CACNA1C: variants seen among roughly 807,000 people sequenced by gnomAD.
The protein encoded by CACNA1C is voltage-dependent L-type calcium channel subunit alpha-1C.
Under a neutral mutation model 229.0 loss-of-function variants are expected in CACNA1C, and 30 were observed. The ratio of observed to expected loss-of-function variants is 0.13; its 90% CI spans 0.10 to 0.18. CACNA1C has a LOEUF of 0.18. Ranked by LOEUF, CACNA1C falls within the 10% of genes least tolerant of loss-of-function variation. CACNA1C has a pLI of 1.00. For synonymous variants in CACNA1C, 1,114 were observed against 1,132.5 expected (o/e 0.98, Z 0.33); for missense variants, 1,658 against 2,845.0 (o/e 0.58, Z 9.49).
At chr12:2,151,766 A>G (rs894778944) in intron 3 of CACNA1C, among the ~76,000 whole-genome samples, 2 of 152,222 alleles carry the variant, frequency 1.3e-5, no homozygotes, top group Non-Finnish European at 2.9e-5. Context: ...GGAGACACAC[A>G]CGAAGCTTGT....
chr12:1,983,302 T>G (rs144523998), intron 1 of CACNA1C, among the ~76,000 whole-genome samples: 5 of 152,124 alleles, frequency 3.3e-5, no homozygotes, highest in African/African-American at 1.2e-4. Context: ...TAATATACTC[T>G]TCTCCTATTT....
At chr12:2,634,524 G>GT (rs1046731673) in intron 30 of CACNA1C, 144 bp downstream of exon 30, 466 of 386,920 alleles carry the variant, frequency 1.2e-3, no homozygotes, top group Middle Eastern at 3.4e-3. Context: ...TGGTTTGAAG[G>GT]TTTTTTTTTC....
chr12:2,667,866 T>C (rs2096297798), intron 37 of CACNA1C, among the ~76,000 whole-genome samples: 5 of 152,154 alleles, frequency 3.3e-5, no homozygotes, highest in Admixed American at 3.3e-4. Flanking sequence ...TAGCCCCCCT[T>C]GAGCATGCCC....
At chr12:2,509,879 G>A (rs2099779822) in intron 8 of CACNA1C, among the ~76,000 whole-genome samples, 1 of 152,208 alleles carries the variant, frequency 6.6e-6, no homozygotes, top group African/African-American at 2.4e-5. Context: ...ATGACTGAAA[G>A]TGCCACGAGT....
intron 3 of CACNA1C, among the ~76,000 whole-genome samples, chr12:2,414,631 C>T (rs998781664): frequency 6.6e-6 from 1 of 152,126 alleles, no homozygotes; most frequent in African/African-American, 2.4e-5. Flanking sequence ...TTCTGTGTTC[C>T]GGGTGTCAGC....
At chr12:2,397,711 C>T (rs992785773) in intron 3 of CACNA1C, among the ~76,000 whole-genome samples, 3 of 152,240 alleles carry the variant, frequency 2.0e-5, no homozygotes, top group Admixed American at 6.5e-5. Context: ...GGAAACACCC[C>T]ATCACCTGTG....
intron 10 of CACNA1C, chr12:2,550,740 T>C: frequency 1.7e-6 from 2 of 1,153,758 alleles, no homozygotes; most frequent in Non-Finnish European, 2.3e-6. Flanking sequence ...GTCTGTGGAA[T>C]GATGGAGAGC....
chr12:2,276,807 T>C (rs1448546222), intron 3 of CACNA1C, among the ~76,000 whole-genome samples: 1 of 152,178 alleles, frequency 6.6e-6, no homozygotes, highest in African/African-American at 2.4e-5. Flanking sequence ...CTGGAGTGCA[T>C]TGGGATGACG....
intron 9 of CACNA1C, among the ~76,000 whole-genome samples, chr12:2,531,674 A>G (rs1001982277): frequency 3.9e-5 from 6 of 152,188 alleles, no homozygotes; most frequent in Non-Finnish European, 8.8e-5. Context: ...GACTCTGGAC[A>G]GCTTCTCTGC....
Position 2,595,605 on chromosome 12 carries a change from A to G in CACNA1C, c.2664-269A>G, listed in dbSNP as rs2067763819. 6.6e-6 allele frequency among the ~76,000 whole-genome samples: 1 copy of G among 152,192 alleles called. No homozygotes were observed. Among genetic ancestry groups the G allele is most frequent in the African/African-American group, 2.4e-5 (1 of 41,446 alleles). ...GTCCCCAAACAAAAGCCAGTTATGA[A>G]TGTCAGAGCAGGATTTGGGAATTCA... On this transcript the variant is annotated intron_variant, in intron 19 of 46. Coordinates refer to ENST00000399655, the MANE Select transcript of CACNA1C (RefSeq NM_000719.7). This position sits in a 1 kb window ranked among gnomAD's most constrained non-coding sequence, Gnocchi z 4.1.
At chr12:2,266,773 G>A (rs2082548155) in intron 3 of CACNA1C, among the ~76,000 whole-genome samples, 1 of 152,230 alleles carries the variant, frequency 6.6e-6, no homozygotes, top group Admixed American at 6.5e-5. Context: ...GAAACACAGA[G>A]GCCATGGGAC....
rs2096097136 is a variant in CACNA1C at position 2,666,321 on chromosome 12, G to A, written c.4527-365G>A. On this transcript the variant is annotated intron_variant, in intron 36 of 46. Coordinates refer to ENST00000399655, the MANE Select transcript of CACNA1C (RefSeq NM_000719.7). The surrounding 1 kb of genome is among the most constrained non-coding windows in gnomAD (Gnocchi z 5.3). ...CGGGGAAAATCTTGATTCCATTCCC[G>A]CTTCTGGTCTAAAGATCAATCACAT... Among the ~76,000 whole-genome samples the A allele has an allele frequency of 2.6e-5, 4 of 152,164 alleles. No individual in the cohort carries two copies. Among genetic ancestry groups the A allele is most frequent in the Admixed American group, 6.5e-5 (1 of 15,274 alleles).
At chr12:2,577,870 CT>C (rs34284324) in intron 13 of CACNA1C, among the ~76,000 whole-genome samples, 78,330 of 137,950 alleles carry the variant, frequency 0.57, 22,386 homozygotes, top group East Asian at 0.71. Context: ...AGTAATTATT[CT>C]TTTTTTTTTT....
At chr12:2,094,269 G>T (rs2154083473) in intron 1 of CACNA1C, among the ~76,000 whole-genome samples, 1 of 152,304 alleles carries the variant, frequency 6.6e-6, no homozygotes, top group South Asian at 2.1e-4. Flanking sequence ...CATTTCAGAA[G>T]CTGAGCCCTA....
rs548881956 is a variant in CACNA1C, at chr12:2,565,416, G to A, written c.1509-1006G>A. Among the ~76,000 whole-genome samples the A allele has an allele frequency of 2.0e-4, 30 of 149,354 alleles. 1 individual carries two copies. Among genetic ancestry groups the A allele is most frequent in the South Asian group, 4.3e-4 (2 of 4,700 alleles). On this transcript the variant is annotated intron_variant, in intron 11 of 46. Transcript: ENST00000399655. Reference sequence around the variant, plus strand: ...CGGGAAGCGGAGCTTGCAGTGAGCCGAGATTGCGCCACTGCAGTCCGCAGT... The same window carrying A: ...CGGGAAGCGGAGCTTGCAGTGAGCCAAGATTGCGCCACTGCAGTCCGCAGT...
At chr12:2,664,045 A>G (rs1284079139) in intron 34 of CACNA1C, among the ~76,000 whole-genome samples, 2 of 152,136 alleles carry the variant, frequency 1.3e-5, no homozygotes, top group African/African-American at 2.4e-5. Flanking sequence ...CGGCCAGAGA[A>G]TAGAGTATCT....
intron 3 of CACNA1C, among the ~76,000 whole-genome samples, chr12:2,137,552 A>T (rs2093668438): frequency 6.6e-6 from 1 of 151,246 alleles, no homozygotes; most frequent in Non-Finnish European, 1.5e-5. Flanking sequence ...CACCAGGGTG[A>T]TGGGGCGAGA....
Position 2,029,359 on chromosome 12 carries a change from C to T in CACNA1C, c.139+58158C>T, listed in dbSNP as rs2047851414. Among the ~76,000 whole-genome samples, 1 of 152,194 alleles carries T rather than the reference C, an allele frequency of 6.6e-6. No homozygotes were observed. The highest frequency in any genetic ancestry group is 6.5e-5 in the Admixed American group (1 of 15,282). Reference sequence around the variant, plus strand: ...AGCTATGTAACACATCCGCAATATACACCATCACCACTAACTTTTTCATTA... The same window carrying T: ...AGCTATGTAACACATCCGCAATATATACCATCACCACTAACTTTTTCATTA... On this transcript the variant is annotated intron_variant, in intron 1 of 46. Transcript: ENST00000682462. The surrounding 1 kb of genome is among the most constrained non-coding windows in gnomAD (Gnocchi z 4.9).
intron 1 of CACNA1C, among the ~76,000 whole-genome samples, chr12:2,112,782 C>T (rs942673248): frequency 2.3e-4 from 35 of 152,286 alleles, no homozygotes; most frequent in Non-Finnish European, 5.0e-4. Context: ...GTGGGCAACA[C>T]TAATCTATCA....
Sources: allele counts gnomAD v4.1 joint callset (sites outside exome capture counted in the v4.1 genomes callset), GRCh38; gene constraint gnomAD v4.1.1; non-coding constraint Gnocchi (gnomAD v3.1); transcripts MANE v1.5; gene names NCBI Gene and HGNC (gene_info 2026-07-23, HGNC 2026-07-21).